RRN3: variants seen among roughly 807,000 people sequenced by gnomAD.
The protein encoded by RRN3 is RNA polymerase I-specific transcription initiation factor RRN3.
A neutral mutation model predicts 82.3 loss-of-function variants in RRN3; 38 were observed. The observed-to-expected ratio is 0.46, with a 90% CI of 0.36 to 0.61. The LOEUF is 0.61. Ranked by LOEUF, RRN3 falls within the 20% of genes least tolerant of loss-of-function variation. RRN3 has a pLI of 0.00. For missense variants in RRN3, 726 were observed against 793.1 expected, an observed-to-expected ratio of 0.92 and a Z score of 1.02; for synonymous variants, 284 against 284.3, an observed-to-expected ratio of 1.00 and a Z score of 0.01.
chr16:15,070,793 T>C (rs1168630199), intron 13 of RRN3, among the ~76,000 whole-genome samples: 4 of 151,602 alleles, frequency 2.6e-5, no homozygotes, highest in Admixed American at 6.6e-5. Flanking sequence ...ACAGATACAA[T>C]AGATTTGGAA....
At chr16:15,071,506 G>T (rs753790644) in intron 12 of RRN3, among the ~76,000 whole-genome samples, 3 of 152,194 alleles carry the variant, frequency 2.0e-5, no homozygotes, top group Middle Eastern at 3.2e-3. Flanking sequence ...AGTGGCTCAC[G>T]CCTGTAATCC....
chr16:15,081,957 A>G (rs2045724274), intron 8 of RRN3, among the ~76,000 whole-genome samples: 2 of 152,194 alleles, frequency 1.3e-5, no homozygotes, highest in African/African-American at 2.4e-5. Context: ...AGTGTATGTT[A>G]GTCTTCTGTC....
At chr16:15,083,426 G>C in intron 8 of RRN3, 87 bp downstream of exon 8, 1 of 1,561,912 alleles carries the variant, frequency 6.4e-7, no homozygotes, top group Non-Finnish European at 8.6e-7. Flanking sequence ...AGAAAGACTG[G>C]AAAAGAAAGA....
intron 3 of RRN3, among the ~76,000 whole-genome samples, chr16:15,089,532 T>G (rs899163244): frequency 6.6e-6 from 1 of 151,768 alleles, no homozygotes; most frequent in Non-Finnish European, 1.5e-5. Context: ...CGGGCGTGGT[T>G]ACTCACGCCT....
chr16:15,086,287 G>A, intron 4 of RRN3, 29 bp from the exon 5 acceptor site: 1 of 1,569,234 alleles, frequency 6.4e-7, no homozygotes, highest in Non-Finnish European at 8.7e-7. Flanking sequence ...GATAAAAGCA[G>A]CATGTTATTA....
chr16:15,087,002 G>C (rs949765192), intron 3 of RRN3, among the ~76,000 whole-genome samples: 3 of 152,140 alleles, frequency 2.0e-5, no homozygotes, highest in East Asian at 1.9e-4. Flanking sequence ...AATATTTTTC[G>C]GGCAATCAAA....
chr16:15,064,588 T>A (rs1003190726), intron 16 of RRN3, among the ~76,000 whole-genome samples: 36 of 152,156 alleles, frequency 2.4e-4, no homozygotes, highest in African/African-American at 8.7e-4. Context: ...CCCTCCCCTA[T>A]CCTGGCACCA....
At position 15,089,830 on chromosome 16, in the gene RRN3, G is replaced by T. The variant is rs932184037; in HGVS notation, c.252+1485C>A. 1.1e-4 allele frequency among the ~76,000 whole-genome samples: 16 copies of T among 148,152 alleles called. No homozygotes were observed. In the Middle Eastern group the frequency reaches 0.011, roughly 104 times the overall value. On this transcript the variant is annotated intron_variant, in intron 3 of 17. Transcript: ENST00000198767. ...AAAAAAACAGATTAAAGGATCAGGA[G>T]ACAGGAGGATCAGAAACGCTGAAGT...
chr16:15,086,858 C>T (rs1375113166), intron 3 of RRN3, among the ~76,000 whole-genome samples: 5 of 152,176 alleles, frequency 3.3e-5, no homozygotes, highest in Admixed American at 1.3e-4. Flanking sequence ...AGGAAGCATG[C>T]TGATAAAACT....
chr16:15,090,976 C>T (rs557969469), intron 3 of RRN3, among the ~76,000 whole-genome samples: 27 of 150,698 alleles, frequency 1.8e-4, no homozygotes, highest in African/African-American at 6.6e-4. Flanking sequence ...AGCATTAGAG[C>T]AGGGTTTCCC....
chr16:15,089,609 G>A (rs1367895956), intron 3 of RRN3, among the ~76,000 whole-genome samples: 2 of 151,066 alleles, frequency 1.3e-5, no homozygotes, highest in African/African-American at 4.9e-5. Flanking sequence ...GACCATCCTG[G>A]CTAACATGGT....
In RRN3 at chr16:15,060,248, T is replaced by TA. The variant is rs1313260372; in HGVS notation, c.*1495dup. ...TTCGTTTACTCGTTTTATCTAATAT[T>TA]AAAAAATCAACATTTTGCCAGCAGT... is the stretch of plus-strand genomic sequence containing the variant. On this transcript the variant is annotated 3_prime_UTR_variant, in exon 18 of 18. Coordinates refer to ENST00000198767, the MANE Select transcript of RRN3 (RefSeq NM_018427.5). The TA allele has an allele frequency of 6.0e-6, 2 of 334,376 alleles. No individual in the cohort carries two copies. Among genetic ancestry groups the TA allele is most frequent in the East Asian group, 9.5e-5 (1 of 10,576 alleles). The allele number at this position is 334,376 out of a possible 1,614,324, so 20.7% of individuals were successfully genotyped here. A position where few individuals can be genotyped will look rare whatever the true frequency, so the allele number is the denominator to read the frequency against.
At chr16:15,092,395 T>C in intron 2 of RRN3, 114 bp downstream of exon 2, 1 of 700,770 alleles carries the variant, frequency 1.4e-6, no homozygotes, top group Non-Finnish European at 2.6e-6. Context: ...ATTAAATATT[T>C]GATTTCAACT....
chr16:15,090,711 A>G (rs939973931), intron 3 of RRN3, among the ~76,000 whole-genome samples: 2 of 152,230 alleles, frequency 1.3e-5, no homozygotes, highest in African/African-American at 4.8e-5. Context: ...ACTGGATAAT[A>G]AAATTGGAAT....
At chr16:15,078,723 G>GT (rs1389491862) in intron 9 of RRN3, among the ~76,000 whole-genome samples, 3 of 151,760 alleles carry the variant, frequency 2.0e-5, no homozygotes, top group Non-Finnish European at 4.4e-5. Context: ...ACGACTGCCT[G>GT]TGAGTATTCT....
At position 15,094,156 on chromosome 16, in the gene RRN3, C is replaced by G. The variant is rs750002202; in HGVS notation, c.78G>C (p.Ala26=). 3 of 1,599,696 alleles carry G rather than the reference C, an allele frequency of 1.9e-6. No homozygotes were observed. The highest frequency in any genetic ancestry group is 2.6e-6 in the Non-Finnish European group (3 of 1,173,234). ...GGCCTGAATCTTACCCAGTCCTCGA[C>G]GCGCCCAGCTTCTTAACTGCAGAGG... ...ASSSAVKKLG[A]SRTGISNMRA... is the part of the protein sequence containing the mutation. The change falls in exon 1 of 18, where the codon GCG becomes GCC. Residue 26 remains alanine, a synonymous_variant. Transcript: ENST00000198767.
At chr16:15,091,038 C>G (rs1366327308) in intron 3 of RRN3, among the ~76,000 whole-genome samples, 1 of 152,182 alleles carries the variant, frequency 6.6e-6, no homozygotes, top group African/African-American at 2.4e-5. Context: ...TTCTGGGAGG[C>G]TGTCCTGTGC....
At chr16:15,083,162 A>T (rs1437785267) in intron 8 of RRN3, among the ~76,000 whole-genome samples, 4 of 152,230 alleles carry the variant, frequency 2.6e-5, no homozygotes. Context: ...GCACTTTGGG[A>T]GGCCGAGGCA....
intron 8 of RRN3, among the ~76,000 whole-genome samples, chr16:15,082,263 TC>T (rs2045739095): frequency 6.6e-6 from 1 of 152,218 alleles, no homozygotes; most frequent in African/African-American, 2.4e-5. Context: ...CTTCTGTTTT[TC>T]TCGTAAAAGG....
Sources: allele counts gnomAD v4.1 joint callset (sites outside exome capture counted in the v4.1 genomes callset), GRCh38; gene constraint gnomAD v4.1.1; transcripts MANE v1.5; gene names NCBI Gene and HGNC (gene_info 2026-07-23, HGNC 2026-07-21).